Variants in ZNF512 observed in about 807,000 individuals in gnomAD.
ZNF512 encodes zinc finger protein 512.
A neutral mutation model predicts 77.5 loss-of-function variants in ZNF512; 25 were observed. That is an observed-to-expected ratio of 0.32 (90% CI 0.23 to 0.45). ZNF512 has a LOEUF of 0.45. Ranked by LOEUF, ZNF512 falls within the 20% of genes least tolerant of loss-of-function variation. ZNF512 has a pLI of 1.00. For synonymous variants in ZNF512, 246 were observed against 239.9 expected, an observed-to-expected ratio of 1.03 and a Z score of -0.24; for missense variants, 483 against 692.6, an observed-to-expected ratio of 0.70 and a Z score of 3.40.
At chr2:27,595,685 C>T (rs1473651242) in intron 2 of ZNF512, among the ~76,000 whole-genome samples, 1 of 152,190 alleles carries the variant, frequency 6.6e-6, no homozygotes, top group African/African-American at 2.4e-5. Flanking sequence ...CTGTCATCTC[C>T]ATTCTATTAC....
intron 12 of ZNF512, chr2:27,617,065 C>T (rs1672912229): frequency 5.6e-6 from 1 of 178,892 alleles, no homozygotes; most frequent in Admixed American, 5.6e-5. Flanking sequence ...ATTTTGAAGG[C>T]ACTTTTTGCG....
chr2:27,618,068 T>C (rs1248122000), intron 13 of ZNF512, among the ~76,000 whole-genome samples: 1 of 151,780 alleles, frequency 6.6e-6, no homozygotes, highest in African/African-American at 2.4e-5. Flanking sequence ...TACAGGCACC[T>C]GCCACCATGC....
At position 27,592,667 on chromosome 2, in the gene ZNF512, C is replaced by CTTTTTTTTT. The variant is rs139890307; in HGVS notation, c.90-5378_90-5370dup. On this transcript the variant is annotated intron_variant, in intron 2 of 13. Transcript: ENST00000355467. Reference sequence around the variant, plus strand: ...TACCCATATAATTTACCATGTTTACCTTTTTTTTTTTTTTTTTTTTTTTTT... The same window carrying CTTTTTTTTT: ...TACCCATATAATTTACCATGTTTACCTTTTTTTTTTTTTTTTTTTTTTTTTTTTTTTTTT... Among the ~76,000 whole-genome samples, 58 of 81,568 alleles carry CTTTTTTTTT rather than the reference C, an allele frequency of 7.1e-4. 2 individuals are homozygous for CTTTTTTTTT. The highest frequency in any genetic ancestry group is 9.6e-4 in the Non-Finnish European group (41 of 42,732). The allele number at this position is 81,568 out of a possible 152,430, so 53.5% of individuals were successfully genotyped here.
intron 10 of ZNF512, among the ~76,000 whole-genome samples, chr2:27,610,569 T>TATATATATATATATATATATACA (rs70953871): frequency 1.3e-4 from 2 of 15,812 alleles, no homozygotes; most frequent in African/African-American, 2.6e-4. Context: ...TATATATATA[T>TATATATATATATATATATATACA]TTTTTTTTTT....
chr2:27,595,264 T>TC lies in ZNF512; in HGVS notation c.90-2802dup, dbSNP rs748483857. Among the ~76,000 whole-genome samples the TC allele has an allele frequency of 3.9e-5, 6 of 152,110 alleles. No homozygotes were observed. In the South Asian group the frequency reaches 6.2e-4, roughly 16 times the overall value. On this transcript the variant is annotated intron_variant, in intron 2 of 13. Coordinates refer to ENST00000355467, the MANE Select transcript of ZNF512 (RefSeq NM_032434.4). ...TGTTGAATGTTTTTCAATCTTTTTTTCTCTTTGTTCTTCAGACTGGTTTTT... is the reference window on the plus strand; with the variant it reads ...TGTTGAATGTTTTTCAATCTTTTTTTCCTCTTTGTTCTTCAGACTGGTTTTT...
chr2:27,587,420 G>A (rs768230330), intron 2 of ZNF512, among the ~76,000 whole-genome samples: 1 of 151,694 alleles, frequency 6.6e-6, no homozygotes, highest in Non-Finnish European at 1.5e-5. Context: ...GGGATTACCG[G>A]TGTGCATCAC....
intron 9 of ZNF512, among the ~76,000 whole-genome samples, chr2:27,604,914 T>G (rs1417209734): frequency 1.3e-5 from 2 of 152,256 alleles, no homozygotes; most frequent in East Asian, 3.8e-4. Context: ...GTTTTACCCT[T>G]TTCAGAATGT....
At chr2:27,604,606 C>A (rs978638850) in intron 9 of ZNF512, among the ~76,000 whole-genome samples, 2 of 151,962 alleles carry the variant, frequency 1.3e-5, no homozygotes, top group East Asian at 1.9e-4. Context: ...CATAGTGAGA[C>A]CCTGTCTCTA....
chr2:27,608,285 A>G (rs1358570142), intron 10 of ZNF512, among the ~76,000 whole-genome samples: 1 of 152,188 alleles, frequency 6.6e-6, no homozygotes, highest in Non-Finnish European at 1.5e-5. Flanking sequence ...GGGAACCTGA[A>G]TTCTTAGATT....
intron 2 of ZNF512, among the ~76,000 whole-genome samples, chr2:27,590,217 T>G (rs1274380258): frequency 1.3e-5 from 2 of 152,238 alleles, no homozygotes; most frequent in African/African-American, 4.8e-5. Context: ...AGTTTTCGCT[T>G]TGTGTATTTT....
intron 9 of ZNF512, among the ~76,000 whole-genome samples, chr2:27,607,015 G>A (rs1163597842): frequency 1.3e-5 from 2 of 152,008 alleles, no homozygotes; most frequent in Non-Finnish European, 2.9e-5. Context: ...ACAGCAGGTT[G>A]GATGTCTCTC....
intron 12 of ZNF512, among the ~76,000 whole-genome samples, chr2:27,616,761 G>A (rs373437409): frequency 6.6e-5 from 10 of 152,198 alleles, no homozygotes; most frequent in African/African-American, 2.4e-4. Flanking sequence ...TGGGAGGTGG[G>A]ATAGGGTGTC....
At chr2:27,617,977 C>T (rs868315211) in intron 13 of ZNF512, among the ~76,000 whole-genome samples, 2 of 141,978 alleles carry the variant, frequency 1.4e-5, no homozygotes, top group African/African-American at 5.1e-5. Flanking sequence ...TAGACGGAGT[C>T]TCGCTCTGTT....
At chr2:27,613,527 G>C (rs1039910121) in intron 10 of ZNF512, among the ~76,000 whole-genome samples, 1 of 151,728 alleles carries the variant, frequency 6.6e-6, no homozygotes, top group East Asian at 1.9e-4. Flanking sequence ...TATATATACA[G>C]TTGTCCCTCA....
At chr2:27,583,598 C>G in intron 1 of ZNF512, 60 bp from the exon 2 acceptor site, 2 of 1,600,918 alleles carry the variant, frequency 1.2e-6, no homozygotes, top group Non-Finnish European at 1.7e-6. Context: ...GGGAATTCGT[C>G]TTTTTGTGGT....
intron 2 of ZNF512, among the ~76,000 whole-genome samples, chr2:27,591,102 T>G (rs1671554486): frequency 6.6e-6 from 1 of 152,182 alleles, no homozygotes; most frequent in Non-Finnish European, 1.5e-5. Context: ...AGTGGTGCGG[T>G]CATAGCTCAC....
In ZNF512 at chr2:27,607,922, T is replaced by A; in HGVS notation, c.1014T>A (p.Val338=). 6.2e-7 allele frequency: 1 copy of A among 1,614,094 alleles called. No homozygotes were observed. The highest frequency in any genetic ancestry group is 8.5e-7 in the Non-Finnish European group (1 of 1,180,014). The change falls in exon 10 of 14, where the codon GTT becomes GTA. Residue 338 remains valine, a synonymous_variant. Transcript: ENST00000355467. ...MNLESKSGGR[V]QRRSAKIAVY... is the part of the protein sequence containing the mutation. ...TAGAGTCAAAGAGTGGGGGCCGAGT[T>A]CAGAGACGTTCTGCCAAGATAGCTG...
chr2:27,590,577 C>T (rs1671527344), intron 2 of ZNF512, among the ~76,000 whole-genome samples: 1 of 152,066 alleles, frequency 6.6e-6, no homozygotes, highest in African/African-American at 2.4e-5. Context: ...TTGGATAGGT[C>T]TGCCCTTTTA....
At chr2:27,604,854 T>A (rs1672285965) in intron 9 of ZNF512, among the ~76,000 whole-genome samples, 1 of 152,214 alleles carries the variant, frequency 6.6e-6, no homozygotes, top group Non-Finnish European at 1.5e-5. Context: ...GTCAGCCTTT[T>A]CCTCCAGCTA....
Sources: allele counts gnomAD v4.1 joint callset (sites outside exome capture counted in the v4.1 genomes callset), GRCh38; gene constraint gnomAD v4.1.1; transcripts MANE v1.5; gene names NCBI Gene and HGNC (gene_info 2026-07-23, HGNC 2026-07-21).